The following FANCA variants were observed in gnomAD, a reference collection of about 807,000 sequenced individuals.
FANCA encodes FA complementation group A, also known as Fanconi anemia group A protein.
In FANCA, 236 loss-of-function variants were observed where a neutral mutation model predicts 194.3. The observed-to-expected ratio is 1.21, with a 90% CI of 1.09 to 1.35. FANCA has a LOEUF of 1.35. FANCA is among the 40% of genes most tolerant of loss of function. The probability of loss-of-function intolerance (pLI) is 0.00; values close to 1 mark genes in which losing one functional copy is unlikely to be tolerated. For missense variants in FANCA, 2,628 were observed against 1,813.9 expected (o/e 1.45, Z -8.15); for synonymous variants, 1,014 against 715.8 (o/e 1.42, Z -6.65).
Position 89,771,955 on chromosome 16 carries a change from A to G in FANCA, c.2015-141T>C, listed in dbSNP as rs74033864. On this transcript the variant is annotated intron_variant, in intron 22 of 42. Transcript: ENST00000389301. ...CACATCCCCCAGCCAGGTGCTGAAC[A>G]CCAGTGTTTGTTCGCCCCGCAGGAT... is the stretch of plus-strand genomic sequence containing the variant. 1,952 of 1,019,792 alleles carry G rather than the reference A, an allele frequency of 1.9e-3. 28 individuals carry two copies. In the African/African-American group the frequency reaches 0.027, roughly 14 times the overall value. The allele number at this position is 1,019,792 out of a possible 1,614,324, so 63.2% of individuals were successfully genotyped here. A position where few individuals can be genotyped will look rare whatever the true frequency, so the allele number is the denominator to read the frequency against.
rs1423559650 is a variant in FANCA at position 89,740,784 on chromosome 16, G to A, written c.3828+20C>T. ...GCCCACAGTGGGAGAGGACACCTTG[G>A]CTGGTAAGGTCTGACTTACATTTGA... On this transcript the variant is annotated intron_variant, in intron 38 of 42. Transcript: ENST00000389301. 3 of 1,610,946 alleles carry A rather than the reference G, an allele frequency of 1.9e-6. No individual in the cohort carries two copies. Among genetic ancestry groups the A allele is most frequent in the Non-Finnish European group, 1.7e-6 (2 of 1,177,736 alleles).
Position 89,775,745 on chromosome 16 carries a change from C to G in FANCA, c.1897G>C (p.Glu633Gln), listed in dbSNP as rs1391280010. ...QACSAAEEKP[E>Q]DAALGVRAEP... is the part of the protein sequence containing the mutation. The stretch of plus-strand genomic sequence containing the variant: ...GACAAGCGGCCCAGGAACTTACCTT[C>G]TGGCTTCTCTTCAGCAGCAGAGCAG... The change falls in exon 21 of 43, where the codon GAA becomes CAA. Residue 633 changes from glutamate (E) to glutamine (Q), a missense_variant. Glu to Gln is a conservative substitution (Grantham distance 29). Transcript: ENST00000389301. 2 of 1,611,346 alleles carry G rather than the reference C, an allele frequency of 1.2e-6. No homozygotes were observed. The highest frequency in any genetic ancestry group is 1.7e-6 in the Non-Finnish European group (2 of 1,178,730).
At position 89,738,132 on chromosome 16, in the gene FANCA, C is replaced by T. The variant is rs1323346918; in HGVS notation, c.*469G>A. ...TCAATGTACACATGTCCATGGTGCA[C>T]CCGCTGACACAGACCCAGGACAAGG... On this transcript the variant is annotated 3_prime_UTR_variant, in exon 43 of 43. Coordinates refer to ENST00000389301, the MANE Select transcript of FANCA (RefSeq NM_000135.4). 3 of 1,613,770 alleles carry T rather than the reference C, an allele frequency of 1.9e-6. No individual in the cohort carries two copies. The highest frequency in any genetic ancestry group is 4.5e-5 in the East Asian group (2 of 44,874).
intron 3 of FANCA, among the ~76,000 whole-genome samples, chr16:89,812,659 A>AAC (rs202103861): frequency 0.037 from 4,296 of 116,588 alleles, 234 homozygotes; most frequent in African/African-American, 0.12. Flanking sequence ...AAAAAAAAAA[A>AAC]AAAAAAAAAA....
chr16:89,742,742 C>T, intron 37 of FANCA, 58 bp downstream of exon 37: 3 of 1,583,194 alleles, frequency 1.9e-6, no homozygotes, highest in Non-Finnish European at 2.6e-6. Context: ...AGAGAAATAG[C>T]ACTGATTGAA....
rs373366147 is a variant in FANCA at position 89,792,489 on chromosome 16, G to T, written c.1065C>A (p.Leu355=). ...EWSFARTHPL[L]TSLYRRLFVM... ...CACTCACCCTGCGGTACAGTGAGGT[G>T]AGCAGAGGGTGTGTCCGCGCAAAGC... Residue 355 remains leucine (L), a synonymous_variant, in exon 12 of 43, where the codon CTC becomes CTA. Transcript: ENST00000389301. The T allele has an allele frequency of 2.5e-6, 4 of 1,613,308 alleles. No individual in the cohort carries two copies. In the African/African-American group the frequency reaches 5.3e-5, roughly 22 times the overall value.
intron 14 of FANCA, among the ~76,000 whole-genome samples, chr16:89,790,557 C>T (rs1013924029): frequency 3.3e-5 from 5 of 151,774 alleles, no homozygotes; most frequent in Admixed American, 6.6e-5. Context: ...GGTGAAACCC[C>T]GTCTCTACTA....
intron 31 of FANCA, among the ~76,000 whole-genome samples, 167 bp downstream of exon 31, chr16:89,751,971 C>T (rs574380937): frequency 7.4e-4 from 112 of 152,148 alleles, no homozygotes; most frequent in Middle Eastern, 3.4e-3. Context: ...GGGGTCTCAT[C>T]GTGTTAGCCA....
intron 20 of FANCA, 146 bp downstream of exon 20, chr16:89,778,655 A>T: frequency 1.5e-6 from 1 of 674,784 alleles, no homozygotes; most frequent in Non-Finnish European, 2.5e-6. Context: ...AAAAAAAAAA[A>T]AAGTAACCAA....
chr16:89,816,393 C>G, intron 1 of FANCA, 144 bp downstream of exon 1: 1 of 611,132 alleles, frequency 1.6e-6, no homozygotes, highest in Non-Finnish European at 2.3e-6. Flanking sequence ...GCCGCCCCAG[C>G]CGGGCGCCCA....
chr16:89,794,464 C>A (rs991178940), intron 11 of FANCA, among the ~76,000 whole-genome samples: 3 of 151,908 alleles, frequency 2.0e-5, no homozygotes, highest in Non-Finnish European at 2.9e-5. Context: ...TGAACCCAGG[C>A]GGCAGAGGTT....
rs924067529 is a variant in FANCA at position 89,791,531 on chromosome 16, C to T, written c.1231G>A (p.Val411Met). The change falls in exon 14 of 43, where the codon GTG (valine) becomes ATG (methionine). Residue 411 changes from valine (V) to methionine (M), a missense_variant. By Grantham distance (21) the Val-to-Met change is conservative. Transcript: ENST00000389301. ...PEAQQLLEDW[V>M]ARLMAQAFES... ...AATGCCTGGGCCATCAAACGCGCCA[C>T]CCAGTCTAGTTAAGAACCATGACAT... The T allele has an allele frequency of 1.9e-6, 3 of 1,613,972 alleles. No individual in the cohort carries two copies. In the African/African-American group the frequency reaches 4.0e-5, roughly 22 times the overall value.
At position 89,805,369 on chromosome 16, in the gene FANCA, C is replaced by G. The variant is rs1432895332; in HGVS notation, c.620G>C (p.Gly207Ala). The change falls in exon 7 of 43, where the codon GGA becomes GCA. Residue 207 changes from glycine (G) to alanine (A), a missense_variant. Physicochemically the swap from Gly to Ala is moderately conservative, Grantham distance 60. Transcript: ENST00000389301. ...LESHPDMHAV[G>A]SWLFRNLCCL... ...GCACAGATTCCTGAAGAGCCACGAT[C>G]CCACAGCATGCATGTCGGGATGGCT... 5.6e-6 allele frequency: 9 copies of G among 1,613,904 alleles called. No individual in the cohort carries two copies. In the Admixed American group the frequency reaches 1.5e-4, roughly 27 times the overall value.
rs2062031966 is a variant in FANCA at position 89,738,708 on chromosome 16, G to A, written c.4261C>T (p.Leu1421=). The change falls in exon 43 of 43, where the codon CTG becomes TTG. Residue 1421 remains leucine (L), a splice_region_variant and synonymous_variant. Transcript: ENST00000389301. ...TCGCAGTCCCCACGATCAGCCAGCA[G>A]CTGTGAGAGAGGAGCAGGTCCTCAG... ...PKKSFSHVAE[L]LADRGDCDPE... is the part of the protein sequence containing the mutation. 4 of 1,613,888 alleles carry A rather than the reference G, an allele frequency of 2.5e-6. No individual in the cohort carries two copies. The highest frequency in any genetic ancestry group is 1.1e-5 in the South Asian group (1 of 91,076).
intron 2 of FANCA, 72 bp downstream of exon 2, chr16:89,815,805 A>T: frequency 8.3e-7 from 1 of 1,202,000 alleles, no homozygotes; most frequent in Non-Finnish European, 1.2e-6. Flanking sequence ...TTCTTAGGAA[A>T]GCTGTGCGGT....
At chr16:89,802,095 T>C (rs535865211) in intron 8 of FANCA, among the ~76,000 whole-genome samples, 7 of 152,122 alleles carry the variant, frequency 4.6e-5, no homozygotes, top group Non-Finnish European at 1.0e-4. Context: ...AAACGTGGTA[T>C]ATACACACAA....
chr16:89,780,157 T>C (rs749342787), intron 17 of FANCA, among the ~76,000 whole-genome samples, 200 bp from the exon 18 acceptor site: 7 of 152,108 alleles, frequency 4.6e-5, no homozygotes, highest in South Asian at 4.1e-4. Flanking sequence ...CAGGGGAGGA[T>C]GACACTGCCA....
chr16:89,772,830 AG>A (rs199619304), intron 22 of FANCA, among the ~76,000 whole-genome samples: 2 of 146,562 alleles, frequency 1.4e-5, no homozygotes, highest in Non-Finnish European at 3.0e-5. Context: ...AAAAAAAAAA[AG>A]AAAAAAGAAA....
At chr16:89,763,803 C>G (rs759743608) in intron 28 of FANCA, among the ~76,000 whole-genome samples, 1 of 151,288 alleles carries the variant, frequency 6.6e-6, no homozygotes, top group Non-Finnish European at 1.5e-5. Context: ...CGTGGTGGTG[C>G]GCGCCTGTAG....
Sources: allele counts gnomAD v4.1 joint callset (sites outside exome capture counted in the v4.1 genomes callset), GRCh38; gene constraint gnomAD v4.1.1; transcripts MANE v1.5; gene names NCBI Gene and HGNC (gene_info 2026-07-23, HGNC 2026-07-21).